The following EPB41 variants were observed in gnomAD, a reference collection of about 807,000 sequenced individuals.
EPB41 encodes the protein protein 4.1.
In EPB41, 65 loss-of-function variants were observed where a neutral mutation model predicts 108.0. That is an observed-to-expected ratio of 0.60 (90% CI 0.49 to 0.74). The LOEUF (loss-of-function observed/expected upper bound fraction) is 0.74. Ranked by LOEUF, EPB41 falls within the 30% of genes least tolerant of loss-of-function variation. EPB41 has a pLI of 0.00. For synonymous variants in EPB41, 336 were observed against 358.9 expected, an observed-to-expected ratio of 0.94 and a Z score of 0.72; for missense variants, 875 against 1,037.0, an observed-to-expected ratio of 0.84 and a Z score of 2.15.
rs576851635 is a variant in EPB41, at chr1:29,075,138, C to G, written c.2184+9980C>G. Among the ~76,000 whole-genome samples, 91 of 122,670 alleles carry G rather than the reference C, an allele frequency of 7.4e-4. 1 individual carries two copies. Among genetic ancestry groups the G allele is most frequent in the African/African-American group, 2.8e-3 (90 of 31,740 alleles). 80.5% of individuals were successfully genotyped at this position (122,670 alleles called of 152,430 possible). Reference sequence around the variant, plus strand: ...CGCCACTGCACTCCAGCCTGGGCGACAGAGTGAGACTCCGTCTCAAAAAAA... The same window carrying G: ...CGCCACTGCACTCCAGCCTGGGCGAGAGAGTGAGACTCCGTCTCAAAAAAA... On this transcript the variant is annotated intron_variant, in intron 16 of 20. Transcript: ENST00000343067.
In EPB41 at chr1:29,060,412, A is replaced by G. The variant is rs1174480442; in HGVS notation, c.1945-10A>G. On this transcript the variant is annotated splice_polypyrimidine_tract_variant and intron_variant, in intron 14 of 20. Coordinates refer to ENST00000343067, the MANE Select transcript of EPB41 (RefSeq NM_001376013.1). ...ATGCTTTTCTGTTTTCCCCCCTTTC[A>G]TTTTCACAGAAAAAGAGAGAAAGAC... 3.1e-6 allele frequency: 5 copies of G among 1,610,840 alleles called. No individual in the cohort carries two copies. In the Admixed American group the frequency reaches 8.3e-5, roughly 27 times the overall value.
intron 1 of EPB41, among the ~76,000 whole-genome samples, chr1:28,902,048 G>C (rs920271488): frequency 6.6e-6 from 1 of 152,180 alleles, no homozygotes; most frequent in Non-Finnish European, 1.5e-5. Flanking sequence ...ACAGTGCGTG[G>C]TGCATAGGAA....
intron 17 of EPB41, among the ~76,000 whole-genome samples, chr1:29,100,868 A>G (rs917456227): frequency 6.6e-6 from 1 of 150,572 alleles, no homozygotes; most frequent in Non-Finnish European, 1.5e-5. Flanking sequence ...GTTCAAGGCT[A>G]CAGTGAGCTA....
intron 6 of EPB41, among the ~76,000 whole-genome samples, chr1:29,017,381 T>G (rs1479349600): frequency 1.3e-5 from 2 of 152,218 alleles, no homozygotes; most frequent in Admixed American, 1.3e-4. Context: ...ACTGTCTGAA[T>G]TGGTGAACTC....
intron 11 of EPB41, among the ~76,000 whole-genome samples, chr1:29,042,078 T>C (rs542155292): frequency 7.9e-5 from 12 of 152,358 alleles, no homozygotes; most frequent in African/African-American, 2.6e-4. Flanking sequence ...TCATGAGATA[T>C]GTAGACCATT....
chr1:29,005,760 G>T (rs147365405), intron 4 of EPB41, among the ~76,000 whole-genome samples: 1 of 152,294 alleles, frequency 6.6e-6, no homozygotes, highest in South Asian at 2.1e-4. Context: ...AGTATTCCAA[G>T]TAGAAGAAAC....
chr1:29,003,454 T>G (rs1316319639), intron 4 of EPB41, among the ~76,000 whole-genome samples: 1 of 152,230 alleles, frequency 6.6e-6, no homozygotes, highest in African/African-American at 2.4e-5. Context: ...TTTCCTTGAT[T>G]TTTACATTTC....
At chr1:29,074,801 G>T (rs188355126) in intron 16 of EPB41, among the ~76,000 whole-genome samples, 34 of 152,310 alleles carry the variant, frequency 2.2e-4, no homozygotes, top group African/African-American at 8.2e-4. Context: ...CAAATAACTT[G>T]AATAATAGCC....
At chr1:28,969,768 G>A (rs1185218987) in intron 1 of EPB41, among the ~76,000 whole-genome samples, 2 of 152,158 alleles carry the variant, frequency 1.3e-5, no homozygotes, top group Non-Finnish European at 2.9e-5. Context: ...GGGCGTGGCG[G>A]TGGGCACCTG....
At chr1:29,035,228 C>G (rs1489589231) in intron 9 of EPB41, among the ~76,000 whole-genome samples, 1 of 152,018 alleles carries the variant, frequency 6.6e-6, no homozygotes, top group East Asian at 1.9e-4. Flanking sequence ...TGTGATCTGC[C>G]CACCTCGGCC....
At chr1:29,061,124 G>A (rs1236895003) in intron 15 of EPB41, among the ~76,000 whole-genome samples, 1 of 152,108 alleles carries the variant, frequency 6.6e-6, no homozygotes, top group African/African-American at 2.4e-5. Context: ...GAACTGGAAA[G>A]CCAAGATGTG....
chr1:29,070,107 G>T (rs1272012596), intron 16 of EPB41: 1 of 321,750 alleles, frequency 3.1e-6, no homozygotes, highest in Non-Finnish European at 5.6e-6. Context: ...AAATAACATA[G>T]CAAGGGGAAA....
chr1:28,945,220 T>C (rs1432747806), intron 1 of EPB41, among the ~76,000 whole-genome samples: 1 of 152,232 alleles, frequency 6.6e-6, no homozygotes. Flanking sequence ...TAATTGCCCT[T>C]ATTCCAGTGA....
intron 1 of EPB41, among the ~76,000 whole-genome samples, chr1:28,951,836 C>G (rs948722832): frequency 1.3e-5 from 2 of 151,946 alleles, no homozygotes; most frequent in Non-Finnish European, 2.9e-5. Context: ...CCTGATTGTG[C>G]CATCGTACTG....
At chr1:29,049,383 C>G (rs1214474549) in intron 11 of EPB41, among the ~76,000 whole-genome samples, 2 of 152,178 alleles carry the variant, frequency 1.3e-5, no homozygotes, top group Non-Finnish European at 2.9e-5. Flanking sequence ...GGTAGTTCAT[C>G]CATTCAGTGA....
chr1:29,105,928 G>T (rs1428241689), intron 17 of EPB41, among the ~76,000 whole-genome samples: 1 of 151,280 alleles, frequency 6.6e-6, no homozygotes, highest in Non-Finnish European at 1.5e-5. Context: ...TTGGTATTTT[G>T]TGGTAGAGAT....
chr1:29,098,030 C>G (rs1663842772), intron 17 of EPB41, 95 bp downstream of exon 17: 2 of 1,559,764 alleles, frequency 1.3e-6, no homozygotes, highest in South Asian at 2.3e-5. Context: ...CCAAGAATAC[C>G]AGGTTTTTCT....
intron 16 of EPB41, chr1:29,070,791 C>A (rs1650988005): frequency 9.9e-7 from 1 of 1,010,470 alleles, no homozygotes; most frequent in South Asian, 5.3e-5. Flanking sequence ...TTGTGGGGTA[C>A]AAAGGAGTAG....
At chr1:29,025,760 G>A (rs1176911015) in intron 7 of EPB41, among the ~76,000 whole-genome samples, 3 of 151,738 alleles carry the variant, frequency 2.0e-5, no homozygotes. Flanking sequence ...AACATTAGGT[G>A]GGGCAGAGCA....
Sources: gnomAD v4.1 joint callset for allele counts (sites outside exome capture counted in the v4.1 genomes callset) on GRCh38, gnomAD v4.1.1 for gene constraint, MANE v1.5 for transcripts, NCBI Gene and HGNC (gene_info 2026-07-23, HGNC 2026-07-21) for gene names.